The following CDH13 variants were observed in gnomAD, a reference collection of about 807,000 sequenced individuals.
CDH13 encodes the protein cadherin 13.
Under a neutral mutation model 63.8 loss-of-function variants are expected in CDH13, and 24 were observed. That is an observed-to-expected ratio of 0.38 (90% CI 0.27 to 0.53). CDH13 has a LOEUF of 0.53. Among genes scored for constraint, CDH13 ranks in the 20% least tolerant of loss-of-function variants. CDH13 has a pLI of 0.85. For synonymous variants in CDH13, 503 were observed against 355.3 expected (o/e 1.42, Z -4.67); for missense variants, 1,049 against 903.1 (o/e 1.16, Z -2.07).
At chr16:83,422,376 A>ATCATGATGAAC (rs2071743165) in intron 6 of CDH13, among the ~76,000 whole-genome samples, 1 of 152,232 alleles carries the variant, frequency 6.6e-6, no homozygotes, top group Non-Finnish European at 1.5e-5. Context: ...GTGAATTTTG[A>ATCATGATGAAC]TCATGATGAA....
chr16:83,527,464 A>G (rs191396524), intron 7 of CDH13, among the ~76,000 whole-genome samples: 1 of 152,122 alleles, frequency 6.6e-6, no homozygotes, highest in Non-Finnish European at 1.5e-5. Flanking sequence ...AAAAAAAATT[A>G]AAAATTAAGA....
intron 4 of CDH13, among the ~76,000 whole-genome samples, chr16:83,147,488 G>T (rs923880668): frequency 2.0e-5 from 3 of 152,092 alleles, no homozygotes; most frequent in Non-Finnish European, 2.9e-5. Flanking sequence ...TTCTGATCTG[G>T]TGCCTTATCC....
chr16:83,432,686 A>G (rs776638906), intron 6 of CDH13, among the ~76,000 whole-genome samples: 1 of 152,210 alleles, frequency 6.6e-6, no homozygotes, highest in African/African-American at 2.4e-5. Context: ...TGCAGATGTC[A>G]TGAGCTTCCC....
chr16:83,749,895 AT>A (rs960474799), intron 11 of CDH13, among the ~76,000 whole-genome samples: 2 of 152,282 alleles, frequency 1.3e-5, no homozygotes, highest in Admixed American at 6.5e-5. Flanking sequence ...GTGATGAAGG[AT>A]ATGTGGATTA....
chr16:82,825,081 G>A (rs2038178701), intron 1 of CDH13: 1 of 152,116 alleles, frequency 6.6e-6, no homozygotes, highest in Non-Finnish European at 1.5e-5. Context: ...TTGAGGTTGA[G>A]CGATGGATAC....
At chr16:83,329,432 T>C (rs1432195195) in intron 5 of CDH13, among the ~76,000 whole-genome samples, 8 of 151,616 alleles carry the variant, frequency 5.3e-5, no homozygotes, top group African/African-American at 1.7e-4. Flanking sequence ...AGATGGGGTT[T>C]CGCCATGTTG....
intron 3 of CDH13, among the ~76,000 whole-genome samples, chr16:83,051,743 G>A (rs995003713): frequency 1.3e-5 from 2 of 152,118 alleles, no homozygotes; most frequent in African/African-American, 4.8e-5. Context: ...TACCATCCCT[G>A]TAACTCTAGT....
chr16:83,155,744 G>A (rs189584050), intron 4 of CDH13, among the ~76,000 whole-genome samples: 61 of 152,308 alleles, frequency 4.0e-4, no homozygotes, highest in African/African-American at 1.3e-3. Flanking sequence ...GACCTCACAG[G>A]AGCCAGGAAG....
intron 7 of CDH13, among the ~76,000 whole-genome samples, chr16:83,503,786 A>G (rs1303635275): frequency 2.6e-5 from 4 of 152,098 alleles, no homozygotes; most frequent in African/African-American, 7.2e-5. Context: ...TAAATTCTAG[A>G]TATAAGACCT....
At chr16:83,268,279 T>C (rs551747255) in intron 5 of CDH13, among the ~76,000 whole-genome samples, 4 of 152,214 alleles carry the variant, frequency 2.6e-5, no homozygotes, top group Non-Finnish European at 5.9e-5. Context: ...GGAACTTCCA[T>C]GGAAGTATGA....
chr16:83,219,969 A>G (rs1400656238), intron 5 of CDH13, among the ~76,000 whole-genome samples: 2 of 152,202 alleles, frequency 1.3e-5, no homozygotes, highest in Non-Finnish European at 2.9e-5. Context: ...TGATAACACC[A>G]GCACAGGGTC....
At chr16:83,274,353 C>T (rs889804606) in intron 5 of CDH13, among the ~76,000 whole-genome samples, 8 of 152,106 alleles carry the variant, frequency 5.3e-5, no homozygotes, top group Non-Finnish European at 8.8e-5. Context: ...GGTACATGCT[C>T]TTCTCTCTGT....
At chr16:83,092,632 T>C (rs772483001) in intron 3 of CDH13, among the ~76,000 whole-genome samples, 31 of 152,206 alleles carry the variant, frequency 2.0e-4, no homozygotes, top group Non-Finnish European at 4.0e-4. Context: ...CTTTGCCGCT[T>C]TAAAGGGAAA....
At chr16:82,808,808 T>C (rs1430613235) in intron 1 of CDH13, among the ~76,000 whole-genome samples, 1 of 152,178 alleles carries the variant, frequency 6.6e-6, no homozygotes, top group Non-Finnish European at 1.5e-5. Flanking sequence ...TCATTTTAAC[T>C]GCTGTGTCAT....
At chr16:82,767,910 C>T (rs111538920) in intron 1 of CDH13, among the ~76,000 whole-genome samples, 5 of 152,120 alleles carry the variant, frequency 3.3e-5, no homozygotes, top group Admixed American at 2.6e-4. Context: ...TACTCTTCAC[C>T]CCACGAGCCA....
rs538369339 is a variant in CDH13, at chr16:83,237,076, G to C, written c.636+19579G>C. Among the ~76,000 whole-genome samples, 5 of 152,242 alleles carry C rather than the reference G, an allele frequency of 3.3e-5. No individual in the cohort carries two copies. In the South Asian group the frequency reaches 6.2e-4, roughly 19 times the overall value. On this transcript the variant is annotated intron_variant, in intron 5 of 13. Transcript: ENST00000567109. ...GGGGCAGAGGGGACAAGGCAGATTC[G>C]AGGGGATGTTCCGCCACATTCTTCA...
At chr16:83,562,206 G>T (rs1018863971) in intron 7 of CDH13, among the ~76,000 whole-genome samples, 1 of 152,180 alleles carries the variant, frequency 6.6e-6, no homozygotes, top group African/African-American at 2.4e-5. Flanking sequence ...GGATAGTTCA[G>T]AACAGGAATC....
intron 1 of CDH13, among the ~76,000 whole-genome samples, chr16:82,752,880 T>G (rs1442045991): frequency 6.6e-6 from 1 of 152,228 alleles, no homozygotes; most frequent in African/African-American, 2.4e-5. Context: ...CCGCACCCCA[T>G]TATTGTACCC....
At chr16:83,336,971 G>C (rs911105266) in intron 5 of CDH13, among the ~76,000 whole-genome samples, 1 of 152,024 alleles carries the variant, frequency 6.6e-6, no homozygotes, top group Non-Finnish European at 1.5e-5. Context: ...AAATTTTGTC[G>C]GACTAAATTG....
Sources: allele counts gnomAD v4.1 joint callset (sites outside exome capture counted in the v4.1 genomes callset), GRCh38; gene constraint gnomAD v4.1.1; transcripts MANE v1.5; gene names NCBI Gene and HGNC (gene_info 2026-07-23, HGNC 2026-07-21).